Variants in NFATC1 observed in about 807,000 individuals in gnomAD.
NFATC1 encodes the protein nuclear factor of activated T cells 1.
Under a neutral mutation model 76.0 loss-of-function variants are expected in NFATC1, and 22 were observed. The ratio of observed to expected loss-of-function variants is 0.29; its 90% CI spans 0.21 to 0.41. The LOEUF (loss-of-function observed/expected upper bound fraction) is 0.41, where lower values mean the gene tolerates loss of function less well. NFATC1 is among the 10% of genes least tolerant of loss of function. NFATC1 has a pLI of 1.00. For missense variants in NFATC1, 1,357 were observed against 1,337.7 expected (o/e 1.01, Z -0.23); for synonymous variants, 704 against 613.1 (o/e 1.15, Z -2.19).
At chr18:79,406,373 G>A (rs2085437918) in intron 1 of NFATC1, among the ~76,000 whole-genome samples, 1 of 152,022 alleles carries the variant, frequency 6.6e-6, no homozygotes, top group Non-Finnish European at 1.5e-5. Context: ...TGAAGAGCCG[G>A]TTGAAGGCCA....
In NFATC1 at chr18:79,451,008, A is replaced by T; in HGVS notation, c.1644A>T (p.Lys548Asn). The part of the protein sequence containing the change: ...KLRNSDIELR[K>N]GETDIGRKNT... Reference sequence around the variant, plus strand: ...GAAACTCCGACATTGAACTTCGGAAAGGAGAGACGGACATCGGGAGGAAGA... The same window carrying T: ...GAAACTCCGACATTGAACTTCGGAATGGAGAGACGGACATCGGGAGGAAGA... Residue 548 changes from lysine (K) to asparagine (N), a missense_variant, in exon 5 of 10, where the codon AAA becomes AAT. Physicochemically the swap from Lys to Asn is moderately conservative, Grantham distance 94. Transcript: ENST00000427363. 1 of 1,613,880 alleles carries T rather than the reference A, an allele frequency of 6.2e-7. No homozygotes were observed. Among genetic ancestry groups the T allele is most frequent in the Non-Finnish European group, 8.5e-7 (1 of 1,180,008 alleles).
chr18:79,515,957 C>T (rs777422135), intron 9 of NFATC1: 1 of 151,322 alleles, frequency 6.6e-6, no homozygotes, highest in Admixed American at 6.6e-5. Context: ...CAGTTTGGTG[C>T]AGATAAGACG....
chr18:79,511,761 C>T (rs1048653272), intron 9 of NFATC1, among the ~76,000 whole-genome samples: 5 of 152,028 alleles, frequency 3.3e-5, no homozygotes, highest in African/African-American at 9.7e-5. Flanking sequence ...GGGGGCCAGC[C>T]GGTGAGGCAC....
chr18:79,398,461 G>A (rs2085076113), intron 1 of NFATC1, among the ~76,000 whole-genome samples: 1 of 152,268 alleles, frequency 6.6e-6, no homozygotes, highest in African/African-American at 2.4e-5. Flanking sequence ...GACACCCAGT[G>A]TCTGTGGAAC....
intron 3 of NFATC1, among the ~76,000 whole-genome samples, chr18:79,437,268 G>A (rs2086812888): frequency 6.6e-6 from 1 of 152,228 alleles, no homozygotes. Context: ...CACTGCTCCT[G>A]GGAAACCAAA....
At chr18:79,467,624 G>T (rs772765154) in intron 8 of NFATC1, 42 bp downstream of exon 8, 5 of 1,604,382 alleles carry the variant, frequency 3.1e-6, no homozygotes, top group Non-Finnish European at 4.3e-6. Context: ...ACATGAGCGC[G>T]TGGGGTGCTT....
At chr18:79,476,595 G>A (rs2089081577) in intron 8 of NFATC1, among the ~76,000 whole-genome samples, 1 of 152,178 alleles carries the variant, frequency 6.6e-6, no homozygotes, top group South Asian at 2.1e-4. Context: ...CCTGAGCTCT[G>A]CGTCTGTTTT....
intron 8 of NFATC1, among the ~76,000 whole-genome samples, chr18:79,478,504 A>G (rs2145008454): frequency 6.6e-6 from 1 of 152,230 alleles, no homozygotes; most frequent in African/African-American, 2.4e-5. Flanking sequence ...GAACCGTTCG[A>G]GGGGCTGCGG....
intron 8 of NFATC1, among the ~76,000 whole-genome samples, chr18:79,482,708 G>A (rs1763512527): frequency 7.1e-6 from 1 of 140,336 alleles, no homozygotes; most frequent in African/African-American, 2.6e-5. Context: ...CTGGTTCCTG[G>A]GGTGTAATTC....
chr18:79,400,013 C>T (rs1053856318), intron 1 of NFATC1, among the ~76,000 whole-genome samples: 36 of 152,142 alleles, frequency 2.4e-4, no homozygotes, highest in African/African-American at 8.7e-4. Flanking sequence ...CTGGGCGCAG[C>T]CTTAGGTACC....
rs2084992113 is a variant in NFATC1 at position 79,396,032 on chromosome 18, C to T, written c.-193C>T. 1.9e-6 allele frequency: 1 copy of T among 519,054 alleles called. No individual in the cohort carries two copies. The highest frequency in any genetic ancestry group is 9.1e-5 in the South Asian group (1 of 10,986). The allele number at this position is 519,054 out of a possible 1,614,324, so 32.2% of individuals were successfully genotyped here. A position where few individuals can be genotyped will look rare whatever the true frequency, so the allele number is the denominator to read the frequency against. ...CCGGGGCGCGGGCAGGGCTCGGAGC[C>T]ACCGCGCAGGTCCTAGGGCCGCGGC... On this transcript the variant is annotated 5_prime_UTR_variant, in exon 1 of 10. Transcript: ENST00000427363.
chr18:79,399,320 G>A (rs538228904), intron 1 of NFATC1, among the ~76,000 whole-genome samples: 66 of 152,366 alleles, frequency 4.3e-4, no homozygotes, highest in African/African-American at 1.0e-3. Flanking sequence ...GGACTGGAGG[G>A]TTTCTCGCCT....
chr18:79,456,659 C>G (rs1462951684), intron 6 of NFATC1, among the ~76,000 whole-genome samples: 1 of 152,246 alleles, frequency 6.6e-6, no homozygotes, highest in African/African-American at 2.4e-5. Flanking sequence ...TGTCCCTCCT[C>G]TGTCCCTTGT....
intron 9 of NFATC1, among the ~76,000 whole-genome samples, chr18:79,509,473 C>T (rs1400306165): frequency 6.6e-6 from 1 of 152,236 alleles, no homozygotes; most frequent in Non-Finnish European, 1.5e-5. Context: ...GAGAGGAGAG[C>T]ACGCAGATGC....
At chr18:79,507,655 C>T (rs138177263) in intron 9 of NFATC1, among the ~76,000 whole-genome samples, 7 of 152,362 alleles carry the variant, frequency 4.6e-5, no homozygotes, top group East Asian at 1.9e-4. Flanking sequence ...GGGTTCCTGA[C>T]GCACGTCCCC....
chr18:79,497,260 C>T (rs1490209265), intron 9 of NFATC1: 3 of 152,266 alleles, frequency 2.0e-5, no homozygotes, highest in Non-Finnish European at 4.4e-5. Flanking sequence ...TCAAATCAAC[C>T]ACCAAATCTG....
intron 9 of NFATC1, among the ~76,000 whole-genome samples, chr18:79,489,382 C>T (rs1015716203): frequency 1.3e-5 from 2 of 152,244 alleles, no homozygotes; most frequent in Admixed American, 6.5e-5. Flanking sequence ...TGGCCTGCAG[C>T]TCCTCTGAGG....
At chr18:79,415,417 G>C (rs1406800814) in intron 2 of NFATC1, among the ~76,000 whole-genome samples, 6 of 151,874 alleles carry the variant, frequency 4.0e-5, no homozygotes, top group Non-Finnish European at 8.8e-5. Context: ...CAAGTAGCTG[G>C]GCCTACAGGC....
chr18:79,407,139 C>T (rs2085471106), intron 1 of NFATC1, among the ~76,000 whole-genome samples: 1 of 152,278 alleles, frequency 6.6e-6, no homozygotes, highest in African/African-American at 2.4e-5. Context: ...ACCTCACCTT[C>T]TCCCGGAAGC....
Sources: allele counts gnomAD v4.1 joint callset (sites outside exome capture counted in the v4.1 genomes callset), GRCh38; gene constraint gnomAD v4.1.1; transcripts MANE v1.5; gene names NCBI Gene and HGNC (gene_info 2026-07-23, HGNC 2026-07-21).